The following MTHFD1L variants were observed in gnomAD, a reference collection of about 807,000 sequenced individuals.
The protein encoded by MTHFD1L is monofunctional C1-tetrahydrofolate synthase, mitochondrial.
MTHFD1L carries 81 observed loss-of-function variants against 119.5 expected under a neutral mutation model. That is an observed-to-expected ratio of 0.68 (90% CI 0.57 to 0.82). The LOEUF (loss-of-function observed/expected upper bound fraction) is 0.82, where lower values mean the gene tolerates loss of function less well. MTHFD1L is among the 40% of genes least tolerant of loss of function. The pLI, the probability that MTHFD1L is intolerant of heterozygous loss-of-function variation, is 0.00. For synonymous variants in MTHFD1L, 430 were observed against 475.2 expected (o/e 0.90, Z 1.24); for missense variants, 1,125 against 1,253.4 (o/e 0.90, Z 1.55).
At chr6:151,048,754 C>T (rs185446595) in intron 26 of MTHFD1L, among the ~76,000 whole-genome samples, 4 of 152,204 alleles carry the variant, frequency 2.6e-5, no homozygotes, top group African/African-American at 9.7e-5. Flanking sequence ...TATTCATGTG[C>T]TTAGATATGG....
rs549093814 is a variant in MTHFD1L at position 150,937,787 on chromosome 6, C to G, written c.1393+847C>G. Among the ~76,000 whole-genome samples, 3 of 152,178 alleles carry G rather than the reference C, an allele frequency of 2.0e-5. No homozygotes were observed. In the East Asian group the frequency reaches 5.8e-4, roughly 29 times the overall value. On this transcript the variant is annotated intron_variant, in intron 12 of 27. Transcript: ENST00000367321. ...AATGCTGAGAGCGGCACCAGGCTCACCCAGTTGTTGTGAGGATCAAATGAG... is the reference window on the plus strand; with the variant it reads ...AATGCTGAGAGCGGCACCAGGCTCAGCCAGTTGTTGTGAGGATCAAATGAG...
chr6:150,870,971 T>C (rs1323225618), intron 1 of MTHFD1L, among the ~76,000 whole-genome samples: 1 of 145,334 alleles, frequency 6.9e-6, no homozygotes, highest in Non-Finnish European at 1.5e-5. Context: ...ATTATATATA[T>C]AAAATATATA....
In MTHFD1L at chr6:150,949,350, A is replaced by T. The variant is rs1473046439; in HGVS notation, c.1726+217A>T. ...AAAAATTCTGTCCAGGGTCAATCCCATCTACTCCTGTGTCTTCTAAATTTC... is the reference window on the plus strand; with the variant it reads ...AAAAATTCTGTCCAGGGTCAATCCCTTCTACTCCTGTGTCTTCTAAATTTC... On this transcript the variant is annotated intron_variant, in intron 16 of 27. Transcript: ENST00000367321. 3.9e-5 allele frequency among the ~76,000 whole-genome samples: 6 copies of T among 151,914 alleles called. No individual in the cohort carries two copies. In the East Asian group the frequency reaches 1.2e-3, roughly 29 times the overall value.
intron 15 of MTHFD1L, among the ~76,000 whole-genome samples, chr6:150,946,584 C>A (rs1793981827): frequency 6.6e-6 from 1 of 152,050 alleles, no homozygotes; most frequent in Non-Finnish European, 1.5e-5. Flanking sequence ...TGCTACTAGC[C>A]CTGTTTCAGA....
intron 26 of MTHFD1L, among the ~76,000 whole-genome samples, chr6:151,085,019 A>G (rs571341332): frequency 0.039 from 5,194 of 134,412 alleles, 320 homozygotes; most frequent in African/African-American, 0.13. Flanking sequence ...ATATTTATAT[A>G]TGTATATACA....
In MTHFD1L at chr6:150,918,317, C is replaced by T. The variant is rs1788334281; in HGVS notation, c.893-260C>T. Among the ~76,000 whole-genome samples, 3 of 152,176 alleles carry T rather than the reference C, an allele frequency of 2.0e-5. No individual in the cohort carries two copies. In the South Asian group the frequency reaches 6.2e-4, roughly 32 times the overall value. On this transcript the variant is annotated intron_variant, in intron 8 of 27. Transcript: ENST00000367321. ...ACCTCAGGTGATCCACCTGCCTCGG[C>T]CTCCCAAAGTGCTGGGATTACAGGT...
intron 24 of MTHFD1L, among the ~76,000 whole-genome samples, chr6:151,033,398 G>T (rs1224736117): frequency 6.6e-6 from 1 of 152,142 alleles, no homozygotes; most frequent in African/African-American, 2.4e-5. Context: ...GGGATTACAG[G>T]TGTGAGCCAC....
At position 150,918,655 on chromosome 6, in the gene MTHFD1L, C is replaced by T. The variant is rs1013873394; in HGVS notation, c.971C>T (p.Ala324Val). ...GATGATGTGATTCTCCTTGCTGCAG[C>T]TCTGCGAATTCAGGTTTGTTCAACA... Reference protein sequence around the residue: ...EEDDVILLAAALRIQNMVSSG... With the variant: ...EEDDVILLAAVLRIQNMVSSG... Residue 324 changes from alanine to valine, a missense_variant, in exon 9 of 28, where the codon GCT (alanine) becomes GTT (valine). Ala to Val is a moderately conservative substitution (Grantham distance 64). Coordinates refer to ENST00000367321, the MANE Select transcript of MTHFD1L (RefSeq NM_015440.5). 3 of 1,613,798 alleles carry T rather than the reference C, an allele frequency of 1.9e-6. No homozygotes were observed. In the African/African-American group the frequency reaches 4.0e-5, roughly 22 times the overall value.
Position 150,887,880 on chromosome 6 carries a change from G to A in MTHFD1L, c.679G>A (p.Gly227Arg), listed in dbSNP as rs758064126. Residue 227 changes from glycine to arginine, a missense_variant, in exon 7 of 28, where the codon GGG becomes AGG. Physicochemically the swap from Gly to Arg is moderately radical, Grantham distance 125 (BLOSUM62 -2). Transcript: ENST00000367321. ...AGATGGAAAGAAGATTTTGGTAGTG[G>A]GGGCCCATGGGTCTTTGGAAGCTGC... ...NLDGKKILVV[G>R]AHGSLEAALQ... 6.2e-7 allele frequency: 1 copy of A among 1,607,082 alleles called. No homozygotes were observed. Among genetic ancestry groups the A allele is most frequent in the South Asian group, 1.1e-5 (1 of 89,244 alleles).
At chr6:151,040,923 G>A (rs182198555) in intron 26 of MTHFD1L, among the ~76,000 whole-genome samples, 58 of 152,288 alleles carry the variant, frequency 3.8e-4, no homozygotes, top group African/African-American at 1.3e-3. Flanking sequence ...TTTCACTTAC[G>A]ACTTGTTAGA....
chr6:151,017,915 AG>A (rs1470062811), intron 24 of MTHFD1L, among the ~76,000 whole-genome samples: 1 of 147,700 alleles, frequency 6.8e-6, no homozygotes, highest in African/African-American at 2.5e-5. Context: ...GCTCACTGCA[AG>A]CTCCGCCTCC....
At chr6:150,874,228 T>C (rs1780022209) in intron 1 of MTHFD1L, among the ~76,000 whole-genome samples, 1 of 152,210 alleles carries the variant, frequency 6.6e-6, no homozygotes, top group Admixed American at 6.5e-5. Context: ...ATAATACAAT[T>C]AATTCCCTGG....
intron 6 of MTHFD1L, among the ~76,000 whole-genome samples, 168 bp downstream of exon 6, chr6:150,885,902 C>T (rs773583451): frequency 5.3e-5 from 8 of 152,110 alleles, no homozygotes; most frequent in Non-Finnish European, 1.0e-4. Context: ...TGATATTTCA[C>T]GTTGACTTTT....
At chr6:151,073,670 C>T (rs188361948) in intron 26 of MTHFD1L, among the ~76,000 whole-genome samples, 176 of 137,180 alleles carry the variant, frequency 1.3e-3, no homozygotes, top group Non-Finnish European at 2.1e-3. Context: ...GAGATGAAAA[C>T]TGCAGTGCCT....
At chr6:150,936,693 G>A in intron 11 of MTHFD1L, 111 bp from the exon 12 acceptor site, 1 of 1,263,958 alleles carries the variant, frequency 7.9e-7, no homozygotes, top group Non-Finnish European at 1.1e-6. Context: ...ATTAAATTAT[G>A]GAGTGCATTT....
intron 20 of MTHFD1L, among the ~76,000 whole-genome samples, chr6:151,005,969 A>G (rs894462205): frequency 2.6e-5 from 4 of 152,150 alleles, no homozygotes; most frequent in African/African-American, 7.2e-5. Context: ...ATGCTATTTT[A>G]TGTGTCTATT....
intron 24 of MTHFD1L, among the ~76,000 whole-genome samples, chr6:151,033,803 G>A (rs913377884): frequency 2.0e-5 from 3 of 152,032 alleles, no homozygotes; most frequent in Admixed American, 6.6e-5. Context: ...CTATGAACCC[G>A]TATTCAGACC....
chr6:150,988,404 CGTTTTAAAGTTTTTA>C (rs72141879), intron 20 of MTHFD1L, among the ~76,000 whole-genome samples: 1,741 of 152,206 alleles, frequency 0.011, 32 homozygotes, highest in African/African-American at 0.04. Context: ...TATATGAGGT[CGTTTTAAAGTTTTTA>C]GCAACGTTTG....
rs773755987 is a variant in MTHFD1L at position 150,887,941 on chromosome 6, C to T, written c.740C>T (p.Thr247Ile). ...QCLFQRKGSM[T>I]MSIQWKTRQL... ...CTGTTCCAGAGAAAAGGGTCCATGA[C>T]AATGAGCATCCAGTGGAAAACACGC... The change falls in exon 7 of 28, where the codon ACA becomes ATA. Residue 247 changes from threonine to isoleucine, a missense_variant. Thr to Ile is a moderately conservative substitution (Grantham distance 89). Transcript: ENST00000367321. The T allele has an allele frequency of 6.2e-7, 1 of 1,608,692 alleles. No homozygotes were observed. The highest frequency in any genetic ancestry group is 1.7e-5 in the Admixed American group (1 of 58,964).
Sources: allele counts gnomAD v4.1 joint callset (sites outside exome capture counted in the v4.1 genomes callset), GRCh38; gene constraint gnomAD v4.1.1; transcripts MANE v1.5; gene names NCBI Gene and HGNC (gene_info 2026-07-23, HGNC 2026-07-21).